ADGRE3: variants seen among roughly 807,000 people sequenced by gnomAD.
ADGRE3 encodes EGF-like module receptor 3.
Under a neutral mutation model 80.1 loss-of-function variants are expected in ADGRE3, and 88 were observed. That is an observed-to-expected ratio of 1.10 (90% CI 0.93 to 1.31). ADGRE3 has a LOEUF of 1.31. ADGRE3 is among the 40% of genes most tolerant of loss of function. The pLI is 0.00. For missense variants in ADGRE3, 715 were observed against 776.5 expected, an observed-to-expected ratio of 0.92 and a Z score of 0.94; for synonymous variants, 281 against 294.8, an observed-to-expected ratio of 0.95 and a Z score of 0.48.
At position 14,619,421 on chromosome 19, in the gene ADGRE3, A is replaced by C. The variant is rs1205897152; in HGVS notation, c.*12T>G. 6.4e-6 allele frequency: 10 copies of C among 1,554,122 alleles called. No homozygotes were observed. The highest frequency in any genetic ancestry group is 8.9e-6 in the Non-Finnish European group (10 of 1,126,028). On this transcript the variant is annotated 3_prime_UTR_variant, in exon 16 of 16. Coordinates refer to ENST00000253673, the MANE Select transcript of ADGRE3 (RefSeq NM_032571.5). ...GGATATGATTTTCCATATGGAGTTG[A>C]ATATTCTAGTTTTAATATTTTCTCT...
intron 9 of ADGRE3, 145 bp from the exon 10 acceptor site, chr19:14,641,761 G>GACTGCTAATATAC: frequency 2.1e-6 from 2 of 956,552 alleles, no homozygotes; most frequent in Non-Finnish European, 3.2e-6. Context: ...TGCTAATGTA[G>GACTGCTAATATAC]ACTGCTAATA....
chr19:14,614,329 G>A (rs139630368), downstream of ADGRE3, among the ~76,000 whole-genome samples: 1 of 152,252 alleles, frequency 6.6e-6, no homozygotes, highest in East Asian at 1.9e-4. Flanking sequence ...CTGTGGTCAC[G>A]TCTCTAGGAG....
rs756836391 is a variant in ADGRE3 at position 14,663,436 on chromosome 19, G to C, written c.181C>G (p.Pro61Ala). ...TCTTTACCGTTACATGTCTCCAAGG[G>C]GAATGTGAATAGTTTCTGCCCAGAT... Reference protein sequence around the residue: ...SGSGQKLFTFPLETCNDINEC... With the variant: ...SGSGQKLFTFALETCNDINEC... Residue 61 changes from proline (P) to alanine (A), a missense_variant, in exon 3 of 16, where the codon CCC becomes GCC. Pro to Ala is a conservative substitution (Grantham distance 27). Transcript: ENST00000253673. The C allele has an allele frequency of 2.5e-6, 4 of 1,606,808 alleles. No individual in the cohort carries two copies. In the East Asian group the frequency reaches 6.7e-5, roughly 27 times the overall value.
chr19:14,644,325 CTTTTTTTT>C (rs745702526), intron 8 of ADGRE3, 50 bp from the exon 9 acceptor site: 61 of 1,040,938 alleles, frequency 5.9e-5, no homozygotes, highest in Admixed American at 2.4e-4. Flanking sequence ...TTCTTTCTTT[CTTTTTTTT>C]TTTTGGAGAC....
chr19:14,618,403 A>G (rs2075095644), downstream of ADGRE3, among the ~76,000 whole-genome samples: 1 of 151,976 alleles, frequency 6.6e-6, no homozygotes, highest in Non-Finnish European at 1.5e-5. Flanking sequence ...TAAAAATACA[A>G]AATTAGCTGG....
intron 11 of ADGRE3, among the ~76,000 whole-genome samples, chr19:14,636,976 C>T (rs1335808293): frequency 6.6e-6 from 1 of 152,078 alleles, no homozygotes; most frequent in Non-Finnish European, 1.5e-5. Context: ...CACCTGTAAT[C>T]TCAGTTACTT....
chr19:14,644,516 A>T lies in ADGRE3; in HGVS notation c.883-241T>A, dbSNP rs1229332300. Among the ~76,000 whole-genome samples, 3 of 151,930 alleles carry T rather than the reference A, an allele frequency of 2.0e-5. No individual in the cohort carries two copies. The East Asian group carries it at 5.8e-4, about 30-fold the overall frequency. ...TTGTATTTTTTGTAGAGACAGGGTCAACCGTGCTGCCCAGGCTGGTCTCGA... is the reference window on the plus strand; with the variant it reads ...TTGTATTTTTTGTAGAGACAGGGTCTACCGTGCTGCCCAGGCTGGTCTCGA... On this transcript the variant is annotated intron_variant, in intron 8 of 15. Coordinates refer to ENST00000253673, the MANE Select transcript of ADGRE3 (RefSeq NM_032571.5).
chr19:14,633,844 T>C lies in ADGRE3; in HGVS notation c.1485-542A>G, dbSNP rs547578780. The stretch of plus-strand genomic sequence containing the variant: ...CAGGTTGGAGTGCAGTGGTGCGATC[T>C]CAGCTCACTGCAACCTCTGCCTCCT... On this transcript the variant is annotated intron_variant, in intron 11 of 15. Coordinates refer to ENST00000253673, the MANE Select transcript of ADGRE3 (RefSeq NM_032571.5). 2.3e-4 allele frequency among the ~76,000 whole-genome samples: 34 copies of C among 147,060 alleles called. No individual in the cohort carries two copies. The South Asian group carries it at 7.4e-3, about 32-fold the overall frequency.
the ADGRE3 span, chr19:14,611,043 G>C: frequency 6.7e-6 from 1 of 148,768 alleles, no homozygotes; most frequent in Non-Finnish European, 1.5e-5. Flanking sequence ...AGTGGTGACA[G>C]AAAAATTTCC....
At chr19:14,614,914 C>G (rs1009011900), downstream of ADGRE3, among the ~76,000 whole-genome samples, 2 of 147,628 alleles carry the variant, frequency 1.4e-5, no homozygotes, top group African/African-American at 5.0e-5. Flanking sequence ...AAGACAGGGT[C>G]TCACTCTGTC....
chr19:14,649,378 C>CTCTCTCTCCCCATCTCTCTCTTTCCA (rs1971517662), intron 7 of ADGRE3, among the ~76,000 whole-genome samples: 1 of 147,108 alleles, frequency 6.8e-6, no homozygotes, highest in African/African-American at 2.5e-5. Context: ...CTCTTTCCAT[C>CTCTCTCTCCCCATCTCTCTCTTTCCA]TCTCTCTCCC....
intron 10 of ADGRE3, among the ~76,000 whole-genome samples, chr19:14,639,414 T>A (rs997039612): frequency 1.3e-5 from 2 of 151,636 alleles, no homozygotes; most frequent in Non-Finnish European, 2.9e-5. Context: ...TATGATTCTT[T>A]TTTTTTTGAG....
At position 14,630,133 on chromosome 19, in the gene ADGRE3, C is replaced by T. The variant is rs1970838976; in HGVS notation, c.1718G>A (p.Gly573Asp). The change falls in exon 14 of 16, where the codon GGT becomes GAT. Residue 573 changes from glycine (G) to aspartate (D), a missense_variant. Gly to Asp is a moderately conservative substitution (Grantham distance 94). Coordinates refer to ENST00000253673, the MANE Select transcript of ADGRE3 (RefSeq NM_032571.5). ...GTAGGCCATGACCTGGGCAGCTGGA[C>T]CCACCTGTAGCAAGCCCAGACACCA... ...CTWCLGLLQV[G>D]PAAQVMAYLF... is the part of the protein sequence containing the mutation. 6.2e-7 allele frequency: 1 copy of T among 1,613,510 alleles called. No individual in the cohort carries two copies. The highest frequency in any genetic ancestry group is 8.5e-7 in the Non-Finnish European group (1 of 1,179,658).
intron 15 of ADGRE3, among the ~76,000 whole-genome samples, chr19:14,624,329 GGTGATCT>G (rs1970679357): frequency 6.6e-6 from 1 of 152,122 alleles, no homozygotes; most frequent in Non-Finnish European, 1.5e-5. Context: ...CCCAACCTCA[GGTGATCT>G]GCCCACCTCG....
intron 10 of ADGRE3, among the ~76,000 whole-genome samples, chr19:14,638,804 C>A (rs761513562): frequency 5.9e-5 from 9 of 152,158 alleles, no homozygotes; most frequent in Admixed American, 2.6e-4. Flanking sequence ...CCCCCTCAAC[C>A]TCTGAGAACC....
At chr19:14,615,202 CTTTTTTTTTTT>C (rs34167082), downstream of ADGRE3, among the ~76,000 whole-genome samples, 5 of 65,634 alleles carry the variant, frequency 7.6e-5, no homozygotes, top group East Asian at 4.9e-4. Flanking sequence ...CAGCTGCCTT[CTTTTTTTTTTT>C]TTTTTTTTTT....
At chr19:14,615,598 T>C (rs543383296), downstream of ADGRE3, among the ~76,000 whole-genome samples, 2 of 151,384 alleles carry the variant, frequency 1.3e-5, no homozygotes, top group East Asian at 3.9e-4. Flanking sequence ...CCATCTCTAC[T>C]AAAAAATACA....
Position 14,630,053 on chromosome 19 carries a change from G to C in ADGRE3, c.1798C>G (p.Leu600Val). Reference sequence around the variant, plus strand: ...TCAGTGTTTACCTGCTGGCTGAGGAGGCAGTAGACCAAGAAGATGAAGAAG... The same window carrying C: ...TCAGTGTTTACCTGCTGGCTGAGGACGCAGTAGACCAAGAAGATGAAGAAG... ...QGFFIFLVYC[L>V]LSQQVQKQYQ... The change falls in exon 14 of 16, where the codon CTC (leucine) becomes GTC (valine). Residue 600 changes from leucine to valine, a missense_variant. Coordinates refer to ENST00000253673, the MANE Select transcript of ADGRE3 (RefSeq NM_032571.5). 1 of 1,607,290 alleles carries C rather than the reference G, an allele frequency of 6.2e-7. No individual in the cohort carries two copies. Among genetic ancestry groups the C allele is most frequent in the South Asian group, 1.1e-5 (1 of 90,274 alleles).
chr19:14,647,496 A>G, intron 7 of ADGRE3, 131 bp from the exon 8 acceptor site: 1 of 642,104 alleles, frequency 1.6e-6, no homozygotes, highest in Non-Finnish European at 2.5e-6. Context: ...GGCTCACTGC[A>G]ACCTCCGCCT....
Sources: gnomAD v4.1 joint callset for allele counts (sites outside exome capture counted in the v4.1 genomes callset) on GRCh38, gnomAD v4.1.1 for gene constraint, MANE v1.5 for transcripts, NCBI Gene and HGNC (gene_info 2026-07-23, HGNC 2026-07-21) for gene names.